DIP2C: variants seen among roughly 807,000 people sequenced by gnomAD.
The protein encoded by DIP2C is DIP2 acetate--CoA ligase C (putative), also known as disco-interacting protein 2 homolog C.
DIP2C carries 33 observed loss-of-function variants against 192.4 expected under a neutral mutation model. The observed-to-expected ratio is 0.17, with a 90% confidence interval of 0.13 to 0.23. DIP2C has a LOEUF of 0.23. Among genes scored for constraint, DIP2C ranks in the 10% least tolerant of loss-of-function variants. The pLI is 1.00. For missense variants in DIP2C, 1,537 were observed against 2,110.1 expected (o/e 0.73, Z 5.32); for synonymous variants, 979 against 864.1 (o/e 1.13, Z -2.33).
chr10:542,996 G>C (rs1272700392), intron 1 of DIP2C, among the ~76,000 whole-genome samples: 1 of 152,212 alleles, frequency 6.6e-6, no homozygotes, highest in Non-Finnish European at 1.5e-5. Flanking sequence ...CTCAGCACCA[G>C]GAAAAGTCAA....
chr10:311,970 T>C (rs1270395044), intron 31 of DIP2C, among the ~76,000 whole-genome samples: 2 of 152,032 alleles, frequency 1.3e-5, no homozygotes, highest in Non-Finnish European at 2.9e-5. Context: ...TCTGTTGAGG[T>C]AGTTCCAAGG....
intron 1 of DIP2C, among the ~76,000 whole-genome samples, chr10:546,660 T>C (rs545301232): frequency 2.6e-5 from 4 of 152,382 alleles, no homozygotes; most frequent in South Asian, 2.1e-4. Context: ...GACGGGCCTT[T>C]CTGCCCCAAT....
At chr10:669,606 C>T (rs1588732722) in intron 1 of DIP2C, 1 of 152,232 alleles carries the variant, frequency 6.6e-6, no homozygotes, top group South Asian at 2.1e-4. Flanking sequence ...TTCTTTAAGA[C>T]TGGTTTATGA....
intron 1 of DIP2C, among the ~76,000 whole-genome samples, chr10:501,884 C>T (rs1652045162): frequency 6.6e-6 from 1 of 152,204 alleles, no homozygotes; most frequent in African/African-American, 2.4e-5. Flanking sequence ...CTGGCTCACA[C>T]CTGTAATCCC....
At chr10:314,787 T>C (rs1477222182) in intron 31 of DIP2C, among the ~76,000 whole-genome samples, 1 of 152,156 alleles carries the variant, frequency 6.6e-6, no homozygotes, top group Non-Finnish European at 1.5e-5. Flanking sequence ...TTTATAAGGG[T>C]GGAAGTCCCA....
Position 440,877 on chromosome 10 carries a change from G to T in DIP2C, c.388C>A (p.Pro130Thr). Residue 130 changes from proline (P) to threonine (T), a missense_variant, in exon 4 of 37, where the codon CCT becomes ACT. By Grantham distance (38) the Pro-to-Thr change is conservative (BLOSUM62 -1). This residue lies in a region of DIP2C where 473 missense variants were observed against 539.6 expected (regional missense o/e 0.88). Coordinates refer to ENST00000280886, the MANE Select transcript of DIP2C (RefSeq NM_014974.3). ...VVQTSMDAYTPPDTSSGSEDE... is the reference protein window; with the variant it reads ...VVQTSMDAYTTPDTSSGSEDE... ...CGGGGAGCGTGTCCCTTACCTGGAG[G>T]GGTGTAGGCGTCCATCGAGGTCTGC... is the stretch of plus-strand genomic sequence containing the variant. The T allele has an allele frequency of 6.2e-7, 1 of 1,612,334 alleles. No homozygotes were observed. Among genetic ancestry groups the T allele is most frequent in the Non-Finnish European group, 8.5e-7 (1 of 1,179,700 alleles).
rs141086156 is a variant in DIP2C, at chr10:435,558, C to T, written c.394+5313G>A. 3.3e-3 allele frequency among the ~76,000 whole-genome samples: 502 copies of T among 152,320 alleles called. 1 individual carries two copies. The highest frequency in any genetic ancestry group is 6.0e-3 in the Non-Finnish European group (407 of 68,036). On this transcript the variant is annotated intron_variant, in intron 4 of 36. Transcript: ENST00000280886. ...CCCAGCGGGGGTTCCTTGGAGCTTT[C>T]TGCTCCAGTGTATGGTGATTCTCCA... is the stretch of plus-strand genomic sequence containing the variant.
intron 1 of DIP2C, among the ~76,000 whole-genome samples, chr10:503,126 C>T (rs1845362065): frequency 6.6e-6 from 1 of 152,082 alleles, no homozygotes. Context: ...CCCGCCAGGA[C>T]ACTGACCTGC....
chr10:561,250 C>A (rs1849199961), intron 1 of DIP2C, among the ~76,000 whole-genome samples: 1 of 152,148 alleles, frequency 6.6e-6, no homozygotes, highest in African/African-American at 2.4e-5. Flanking sequence ...GTTTGATTCT[C>A]TTTGCTGACA....
chr10:570,221 G>A (rs1031273011), intron 1 of DIP2C, among the ~76,000 whole-genome samples: 12 of 152,304 alleles, frequency 7.9e-5, no homozygotes, highest in African/African-American at 2.6e-4. Flanking sequence ...TGTCAGGAAG[G>A]GAAGGAAGAC....
In DIP2C at chr10:369,637, T is replaced by G. The variant is rs778010383; in HGVS notation, c.1992-4A>C. ...CTGGTTACTGTCATCCGTGGGCCTGTAATGACAGTTTTTAACTTGAATATG... is the reference window on the plus strand; with the variant it reads ...CTGGTTACTGTCATCCGTGGGCCTGGAATGACAGTTTTTAACTTGAATATG... On this transcript the variant is annotated splice_polypyrimidine_tract_variant and splice_region_variant and intron_variant, in intron 17 of 36. Transcript: ENST00000280886. 3.7e-6 allele frequency: 6 copies of G among 1,613,982 alleles called. No homozygotes were observed. The African/African-American group carries it at 8.0e-5, about 22-fold the overall frequency.
intron 11 of DIP2C, 146 bp downstream of exon 11, chr10:390,594 G>T: frequency 7.2e-7 from 1 of 1,384,172 alleles, no homozygotes; most frequent in Non-Finnish European, 9.8e-7. Flanking sequence ...TGTGTCATCA[G>T]GGACGAGAAC....
At chr10:543,053 G>C (rs1366347143) in intron 1 of DIP2C, among the ~76,000 whole-genome samples, 1 of 152,170 alleles carries the variant, frequency 6.6e-6, no homozygotes, top group African/African-American at 2.4e-5. Flanking sequence ...CAGAAACATT[G>C]AGTGATGATG....
intron 14 of DIP2C, among the ~76,000 whole-genome samples, chr10:386,156 G>A (rs779190362): frequency 5.9e-5 from 9 of 152,188 alleles, no homozygotes; most frequent in Non-Finnish European, 1.0e-4. Flanking sequence ...TGACGAGAGT[G>A]ACTAACGGCA....
In DIP2C at chr10:362,421, C is replaced by T. The variant is rs1208053769; in HGVS notation, c.2794+69G>A. The T allele has an allele frequency of 5.2e-6, 8 of 1,534,688 alleles. No individual in the cohort carries two copies. In the African/African-American group the frequency reaches 1.1e-4, roughly 21 times the overall value. On this transcript the variant is annotated intron_variant, in intron 22 of 36. Coordinates refer to ENST00000280886, the MANE Select transcript of DIP2C (RefSeq NM_014974.3). ...GCAAGCAGCCCTGGGTGAACTCCCGCACCTCCCAGTGCCGTGCAGCCCCAA... is the reference window on the plus strand; with the variant it reads ...GCAAGCAGCCCTGGGTGAACTCCCGTACCTCCCAGTGCCGTGCAGCCCCAA...
At chr10:417,665 TCA>T (rs1425237538) in intron 6 of DIP2C, among the ~76,000 whole-genome samples, 1 of 34,522 alleles carries the variant, frequency 2.9e-5, no homozygotes, top group Admixed American at 3.5e-4. Context: ...CCTGTTCCTG[TCA>T]GGGCTCGGAT....
intron 3 of DIP2C, among the ~76,000 whole-genome samples, chr10:443,978 C>A (rs1428991206): frequency 2.0e-5 from 3 of 152,158 alleles, no homozygotes; most frequent in Non-Finnish European, 2.9e-5. Flanking sequence ...TACCTATTAC[C>A]CTGATCAAAT....
chr10:308,254 G>A (rs1956416135), intron 32 of DIP2C, among the ~76,000 whole-genome samples: 1 of 152,136 alleles, frequency 6.6e-6, no homozygotes, highest in Admixed American at 6.5e-5. Context: ...GAGAGCCTAG[G>A]CCAGCTAGCA....
chr10:685,772 G>A (rs1172495712), intron 1 of DIP2C, among the ~76,000 whole-genome samples: 1 of 152,112 alleles, frequency 6.6e-6, no homozygotes, highest in East Asian at 1.9e-4. Context: ...GACCAGCCTA[G>A]CCAACATGAT....
Sources: allele counts gnomAD v4.1 joint callset (sites outside exome capture counted in the v4.1 genomes callset), GRCh38; gene constraint gnomAD v4.1.1; regional missense constraint gnomAD v4.1.1; transcripts MANE v1.5; gene names NCBI Gene and HGNC (gene_info 2026-07-23, HGNC 2026-07-21).